Variants in ACTR3B observed in about 807,000 individuals in gnomAD.
ACTR3B encodes actin related protein 3B.
Under a neutral mutation model 59.0 loss-of-function variants are expected in ACTR3B, and 8 were observed. That is an observed-to-expected ratio of 0.14 (90% CI 0.08 to 0.24). The LOEUF is 0.24. Among genes scored for constraint, ACTR3B ranks in the 10% least tolerant of loss-of-function variants. The probability of loss-of-function intolerance (pLI) is 1.00; values close to 1 mark genes in which losing one functional copy is unlikely to be tolerated. For synonymous variants in ACTR3B, 148 were observed against 197.9 expected (o/e 0.75, Z 2.12); for missense variants, 245 against 552.3 (o/e 0.44, Z 5.58).
At chr7:152,806,727 C>T (rs867486234) in intron 4 of ACTR3B, among the ~76,000 whole-genome samples, 6 of 152,352 alleles carry the variant, frequency 3.9e-5, no homozygotes, top group Non-Finnish European at 7.3e-5. Context: ...GGCAACCATA[C>T]TCCAGCTTTT....
At chr7:152,806,244 T>G (rs977314820) in intron 4 of ACTR3B, among the ~76,000 whole-genome samples, 3 of 152,168 alleles carry the variant, frequency 2.0e-5, no homozygotes, top group Non-Finnish European at 2.9e-5. Flanking sequence ...TGGATAGAGA[T>G]GAAATGGGAG....
Position 152,852,268 on chromosome 7 carries a change from TC to T in ACTR3B, c.1077+19del. ...AGGATCAAGGTAGGAGCCAGAGGCC[TC>T]CACGCAGTGCCTGGGGCTATTGCCC... On this transcript the variant is annotated intron_variant, in intron 10 of 11. Coordinates refer to ENST00000256001, the MANE Select transcript of ACTR3B (RefSeq NM_020445.6). The T allele has an allele frequency of 6.3e-7, 1 of 1,591,270 alleles. No homozygotes were observed.
chr7:152,853,717 T>C, intron 11 of ACTR3B, 140 bp downstream of exon 11: 2 of 739,454 alleles, frequency 2.7e-6, no homozygotes, highest in East Asian at 5.7e-5. Context: ...ATATAAATTA[T>C]ATCTTTTTTG....
intron 1 of ACTR3B, among the ~76,000 whole-genome samples, chr7:152,780,887 C>A (rs573593300): frequency 1.1e-3 from 170 of 149,792 alleles, no homozygotes; most frequent in African/African-American, 4.0e-3. Context: ...GCTCTGTCAC[C>A]CGGGCTACAG....
intron 2 of ACTR3B, among the ~76,000 whole-genome samples, chr7:152,790,000 T>C (rs1276811451): frequency 6.7e-6 from 1 of 149,298 alleles, no homozygotes; most frequent in African/African-American, 2.5e-5. Flanking sequence ...ACTCTTTCTT[T>C]TTTTTTTTTT....
At chr7:152,849,349 A>G (rs368319317) in intron 9 of ACTR3B, among the ~76,000 whole-genome samples, 65 of 152,272 alleles carry the variant, frequency 4.3e-4, no homozygotes, top group African/African-American at 1.5e-3. Context: ...GTTCCGGAGG[A>G]TCGCTTCACT....
chr7:152,761,112 G>A (rs1418883306), intron 1 of ACTR3B, among the ~76,000 whole-genome samples: 1 of 152,152 alleles, frequency 6.6e-6, no homozygotes, highest in Non-Finnish European at 1.5e-5. Context: ...GTTGTGGACT[G>A]GAAAAATCCT....
intron 9 of ACTR3B, among the ~76,000 whole-genome samples, chr7:152,835,569 C>T (rs1797383005): frequency 6.6e-6 from 1 of 152,154 alleles, no homozygotes; most frequent in Admixed American, 6.5e-5. Flanking sequence ...ACGAAGTGAG[C>T]GTGTGCTTTT....
At position 152,852,210 on chromosome 7, in the gene ACTR3B, A is replaced by C. The variant is rs141763187; in HGVS notation, c.1036A>C (p.Arg346=). The C allele has an allele frequency of 9.2e-5, 149 of 1,611,100 alleles. 1 individual carries two copies. In the African/African-American group the frequency reaches 1.9e-3, roughly 21 times the overall value. Residue 346 remains arginine (R), a synonymous_variant, in exon 10 of 12, where the codon AGG becomes CGG. Transcript: ENST00000256001. ...GGATTTGAAGAGAGTGGTGGATGCT[A>C]GGCTGAGGCTCAGCGAGGAGCTCAG... is the stretch of plus-strand genomic sequence containing the variant. ...QRDLKRVVDA[R]LRLSEELSGG... is the part of the protein sequence containing the mutation.
At chr7:152,852,098 A>G (rs951671715) in intron 9 of ACTR3B, 28 bp from the exon 10 acceptor site, 1 of 1,613,826 alleles carries the variant, frequency 6.2e-7, no homozygotes, top group Non-Finnish European at 8.5e-7. Context: ...GGTTTTACCC[A>G]GGGCTCCCTC....
chr7:152,764,576 G>A (rs1256005875), intron 1 of ACTR3B, among the ~76,000 whole-genome samples: 1 of 151,584 alleles, frequency 6.6e-6, no homozygotes, highest in Admixed American at 6.6e-5. Flanking sequence ...TGAACCAGGA[G>A]GCGGAGGTTG....
rs1232578762 is a variant in ACTR3B, at chr7:152,801,617, C to G, written c.226-4C>G. The G allele has an allele frequency of 1.5e-6, 2 of 1,355,590 alleles. No individual in the cohort carries two copies. The highest frequency in any genetic ancestry group is 3.0e-5 in the African/African-American group (2 of 67,046). The allele number at this position is 1,355,590 out of a possible 1,614,324, so 84.0% of individuals were successfully genotyped here. On this transcript the variant is annotated splice_polypyrimidine_tract_variant and splice_region_variant and intron_variant, in intron 3 of 11. Coordinates refer to ENST00000256001, the MANE Select transcript of ACTR3B (RefSeq NM_020445.6). The stretch of plus-strand genomic sequence containing the variant: ...CTTGACAACTCTGGTGTCTCTTCCT[C>G]CAGTGGCCGATACGACATGGAATCA...
chr7:152,801,337 C>T (rs2098235954), intron 3 of ACTR3B, among the ~76,000 whole-genome samples: 1 of 152,170 alleles, frequency 6.6e-6, no homozygotes, highest in African/African-American at 2.4e-5. Context: ...GCCTTGGCCT[C>T]CCAAAGCGTT....
At chr7:152,814,852 G>A (rs1338154370) in intron 5 of ACTR3B, among the ~76,000 whole-genome samples, 5 of 151,792 alleles carry the variant, frequency 3.3e-5, no homozygotes, top group African/African-American at 4.9e-5. Flanking sequence ...TGGTATAGAC[G>A]TCGTCTGGCT....
chr7:152,836,730 GCTTT>G (rs1362499194), intron 9 of ACTR3B, among the ~76,000 whole-genome samples: 78 of 152,340 alleles, frequency 5.1e-4, no homozygotes, highest in South Asian at 4.1e-4. Flanking sequence ...GCTGATGAGA[GCTTT>G]CTTTCAGACT....
intron 11 of ACTR3B, among the ~76,000 whole-genome samples, chr7:152,853,972 C>A (rs1467222286): frequency 6.6e-6 from 1 of 152,080 alleles, no homozygotes; most frequent in African/African-American, 2.4e-5. Flanking sequence ...GATCCACCCC[C>A]CTGCCTTGGC....
At chr7:152,765,468 AC>A (rs1203147959) in intron 1 of ACTR3B, among the ~76,000 whole-genome samples, 9 of 146,082 alleles carry the variant, frequency 6.2e-5, no homozygotes, top group Admixed American at 1.4e-4. Context: ...ATGCATTGTT[AC>A]AGGAAGTCCC....
rs180686003 is a variant in ACTR3B at position 152,852,372 on chromosome 7, C to T, written c.1077+121C>T. ...GCGTAAAATAAAAACAAGTGTTCAT[C>T]GCTTTCTGAGCTGCATTGTGACATG... On this transcript the variant is annotated intron_variant, in intron 10 of 11. Transcript: ENST00000256001. The T allele has an allele frequency of 6.9e-5, 87 of 1,267,098 alleles. No individual in the cohort carries two copies. In the East Asian group the frequency reaches 1.2e-3, roughly 18 times the overall value. 78.5% of individuals were successfully genotyped at this position (1,267,098 alleles called of 1,614,324 possible).
At chr7:152,821,682 G>A (rs2260616) in intron 7 of ACTR3B, among the ~76,000 whole-genome samples, 1 of 152,206 alleles carries the variant, frequency 6.6e-6, no homozygotes, top group African/African-American at 2.4e-5. Flanking sequence ...CGATGTGACT[G>A]TGTGTCTCCC....
Sources: gnomAD v4.1 joint callset for allele counts (sites outside exome capture counted in the v4.1 genomes callset) on GRCh38, gnomAD v4.1.1 for gene constraint, MANE v1.5 for transcripts, NCBI Gene and HGNC (gene_info 2026-07-23, HGNC 2026-07-21) for gene names.